ADGRB3: variants seen among roughly 807,000 people sequenced by gnomAD.
The protein encoded by ADGRB3 is adhesion G protein-coupled receptor B3.
A neutral mutation model predicts 193.4 loss-of-function variants in ADGRB3; 37 were observed. That is an observed-to-expected ratio of 0.19 (90% CI 0.15 to 0.25). ADGRB3 has a LOEUF of 0.25. ADGRB3 is among the 10% of genes least tolerant of loss of function. The probability of loss-of-function intolerance (pLI) is 1.00; values close to 1 mark genes in which losing one functional copy is unlikely to be tolerated. For missense variants in ADGRB3, 1,637 were observed against 1,852.9 expected (o/e 0.88, Z 2.14); for synonymous variants, 690 against 644.2 (o/e 1.07, Z -1.08).
At chr6:68,958,870 AGTGTGTGTGTGTGTGT>A (rs66559521) in intron 8 of ADGRB3, among the ~76,000 whole-genome samples, 1 of 147,234 alleles carries the variant, frequency 6.8e-6, no homozygotes, top group Non-Finnish European at 1.5e-5. Context: ...AAAGAAAAAT[AGTGTGTGTGTGTGTGT>A]GTGTGTGTGT....
chr6:69,182,387 A>G lies in ADGRB3; in HGVS notation c.2481-50903A>G, dbSNP rs1775607733. ...TATGGAAGTAAAAAAATGAAATAAAATAAAAATAAAACAACAACAAGAAAA... is the reference window on the plus strand; with the variant it reads ...TATGGAAGTAAAAAAATGAAATAAAGTAAAAATAAAACAACAACAAGAAAA... On this transcript the variant is annotated intron_variant, in intron 17 of 31. Coordinates refer to ENST00000370598, the MANE Select transcript of ADGRB3 (RefSeq NM_001704.3). Among the ~76,000 whole-genome samples the G allele has an allele frequency of 2.0e-5, 3 of 149,194 alleles. No individual in the cohort carries two copies. In the Admixed American group the frequency reaches 2.0e-4, roughly 10 times the overall value.
intron 3 of ADGRB3, among the ~76,000 whole-genome samples, chr6:68,893,657 T>C (rs1412731985): frequency 6.6e-6 from 1 of 151,978 alleles, no homozygotes; most frequent in East Asian, 1.9e-4. Context: ...ATAAGTATTA[T>C]GCTTTTATGA....
intron 3 of ADGRB3, among the ~76,000 whole-genome samples, chr6:68,865,823 T>C (rs1765280646): frequency 6.6e-6 from 1 of 152,102 alleles, no homozygotes; most frequent in Admixed American, 6.6e-5. Flanking sequence ...GCCAAATCAG[T>C]AAAACTATTA....
intron 3 of ADGRB3, among the ~76,000 whole-genome samples, chr6:68,886,264 C>G (rs746294474): frequency 1.3e-5 from 2 of 151,986 alleles, no homozygotes; most frequent in Non-Finnish European, 2.9e-5. Flanking sequence ...TCTCATTAAC[C>G]AATATTTTAC....
At chr6:69,073,910 G>A (rs768430572) in intron 16 of ADGRB3, among the ~76,000 whole-genome samples, 4 of 152,104 alleles carry the variant, frequency 2.6e-5, no homozygotes, top group Non-Finnish European at 4.4e-5. Flanking sequence ...AAGATGATCT[G>A]ACATTCAATC....
chr6:68,854,523 TA>T lies in ADGRB3; in HGVS notation c.758-76031del, dbSNP rs199522904. 1.4e-3 allele frequency among the ~76,000 whole-genome samples: 214 copies of T among 151,418 alleles called. 3 individuals are homozygous for T. The East Asian group carries it at 0.042, about 30-fold the overall frequency. ...TAGATGCGATTGTATATATAAATTTTAAAAATCTAAAAAATTTTTTTTTGGA... is the reference window on the plus strand; with the variant it reads ...TAGATGCGATTGTATATATAAATTTTAAAATCTAAAAAATTTTTTTTTGGA... On this transcript the variant is annotated intron_variant, in intron 3 of 31. Coordinates refer to ENST00000370598, the MANE Select transcript of ADGRB3 (RefSeq NM_001704.3).
intron 3 of ADGRB3, among the ~76,000 whole-genome samples, chr6:68,784,953 A>G (rs902171217): frequency 6.6e-6 from 1 of 152,058 alleles, no homozygotes; most frequent in South Asian, 2.1e-4. Flanking sequence ...ATTACTGCCA[A>G]ATATTGTGAT....
At chr6:68,909,342 C>T (rs917243180) in intron 3 of ADGRB3, among the ~76,000 whole-genome samples, 2 of 152,106 alleles carry the variant, frequency 1.3e-5, no homozygotes, top group African/African-American at 2.4e-5. Flanking sequence ...CTTTTAGTAT[C>T]GTAGGACAAA....
chr6:69,074,702 G>A (rs752013281), intron 16 of ADGRB3, among the ~76,000 whole-genome samples: 8 of 151,866 alleles, frequency 5.3e-5, no homozygotes, highest in Non-Finnish European at 1.0e-4. Flanking sequence ...CTGCCACCAC[G>A]TCCTGCTAAT....
chr6:68,974,879 C>T lies in ADGRB3; in HGVS notation c.1627+15C>T, dbSNP rs757311959. ...GAATGCCACAGGTACAGTAGGATGA[C>T]CCACCCAAACCCTAGTGATAATCCC... is the stretch of plus-strand genomic sequence containing the variant. On this transcript the variant is annotated intron_variant, in intron 9 of 31. Transcript: ENST00000370598. The T allele has an allele frequency of 1.3e-6, 2 of 1,591,424 alleles. No individual in the cohort carries two copies. Among genetic ancestry groups the T allele is most frequent in the Admixed American group, 3.4e-5 (2 of 59,612 alleles).
intron 3 of ADGRB3, among the ~76,000 whole-genome samples, chr6:68,696,556 G>GA (rs942714243): frequency 7.9e-5 from 12 of 151,726 alleles, no homozygotes; most frequent in African/African-American, 2.7e-4. Flanking sequence ...TGACATGGAG[G>GA]AAAATGTTCC....
At chr6:69,238,577 T>A (rs1766321092) in intron 19 of ADGRB3, among the ~76,000 whole-genome samples, 1 of 151,962 alleles carries the variant, frequency 6.6e-6, no homozygotes, top group Admixed American at 6.6e-5. Context: ...ATATAAAGAG[T>A]AGCAGCCTAA....
chr6:69,275,228 A>G (rs1254585068), intron 20 of ADGRB3, among the ~76,000 whole-genome samples: 2 of 152,174 alleles, frequency 1.3e-5, no homozygotes, highest in Admixed American at 1.3e-4. Context: ...AATAGGTTCA[A>G]TTACTTATTT....
intron 3 of ADGRB3, among the ~76,000 whole-genome samples, chr6:68,866,340 C>T (rs1765297859): frequency 6.6e-6 from 1 of 152,164 alleles, no homozygotes; most frequent in Non-Finnish European, 1.5e-5. Context: ...CTTTCTCCTG[C>T]TGCCATGTAA....
chr6:69,003,317 T>G (rs2150279978), intron 11 of ADGRB3, among the ~76,000 whole-genome samples: 1 of 152,124 alleles, frequency 6.6e-6, no homozygotes, highest in African/African-American at 2.4e-5. Flanking sequence ...CCTAAGGGAG[T>G]GTGGGCACTG....
intron 3 of ADGRB3, among the ~76,000 whole-genome samples, chr6:68,654,040 TG>T (rs1561984096): frequency 6.6e-6 from 1 of 152,040 alleles, no homozygotes; most frequent in African/African-American, 2.4e-5. Flanking sequence ...TACATGTAAG[TG>T]TTTGGTAAAC....
intron 29 of ADGRB3, among the ~76,000 whole-genome samples, chr6:69,369,814 T>G (rs1268434287): frequency 6.6e-6 from 1 of 152,172 alleles, no homozygotes; most frequent in South Asian, 2.1e-4. Flanking sequence ...TCTAAGTTAT[T>G]TTACTCAACA....
intron 17 of ADGRB3, among the ~76,000 whole-genome samples, chr6:69,132,685 CA>C (rs1396927810): frequency 2.6e-5 from 4 of 152,252 alleles, no homozygotes; most frequent in African/African-American, 9.6e-5. Flanking sequence ...GAGTTTTAGT[CA>C]TAAAGTCTTT....
In ADGRB3 at chr6:68,840,202, G is replaced by A. The variant is rs534670462; in HGVS notation, c.758-90357G>A. 5.3e-5 allele frequency among the ~76,000 whole-genome samples: 8 copies of A among 152,086 alleles called. No individual in the cohort carries two copies. The East Asian group carries it at 1.4e-3, about 26-fold the overall frequency. The stretch of plus-strand genomic sequence containing the variant: ...CAGAGCAAGTGTATTTGGGGGACAC[G>A]TGAACTAGTAAGACACCAAGCTGGG... On this transcript the variant is annotated intron_variant, in intron 3 of 31. Transcript: ENST00000370598.
Sources: gnomAD v4.1 joint callset for allele counts (sites outside exome capture counted in the v4.1 genomes callset) on GRCh38, gnomAD v4.1.1 for gene constraint, MANE v1.5 for transcripts, NCBI Gene and HGNC (gene_info 2026-07-23, HGNC 2026-07-21) for gene names.